The following ASIC2 variants were observed in gnomAD, a reference collection of about 807,000 sequenced individuals.
ASIC2 encodes acid sensing ion channel subunit 2, also known as acid-sensing ion channel 2.
A neutral mutation model predicts 57.3 loss-of-function variants in ASIC2; 25 were observed. The observed-to-expected ratio is 0.44, with a 90% CI of 0.32 to 0.61. The LOEUF (loss-of-function observed/expected upper bound fraction) is 0.61. ASIC2 is among the 20% of genes least tolerant of loss of function. ASIC2 has a pLI of 0.06. For synonymous variants in ASIC2, 319 were observed against 307.5 expected, an observed-to-expected ratio of 1.04 and a Z score of -0.39; for missense variants, 641 against 738.1, an observed-to-expected ratio of 0.87 and a Z score of 1.52.
chr17:33,995,670 G>T (rs576577398), intron 1 of ASIC2, among the ~76,000 whole-genome samples: 38 of 152,034 alleles, frequency 2.5e-4, no homozygotes, highest in African/African-American at 9.2e-4. Flanking sequence ...ATATGTGTGT[G>T]TGTATATACA....
At chr17:33,696,596 G>A (rs1271543321) in intron 1 of ASIC2, among the ~76,000 whole-genome samples, 5 of 152,138 alleles carry the variant, frequency 3.3e-5, no homozygotes, top group Admixed American at 6.5e-5. Context: ...ACATTTTTCC[G>A]TTCGTTCATT....
At chr17:33,026,775 C>A (rs988074148) in intron 4 of ASIC2, among the ~76,000 whole-genome samples, 1 of 152,126 alleles carries the variant, frequency 6.6e-6, no homozygotes, top group African/African-American at 2.4e-5. Flanking sequence ...AACCCAGGAT[C>A]TTTTCTTTTC....
intron 2 of ASIC2, among the ~76,000 whole-genome samples, chr17:33,094,759 C>T (rs56175840): frequency 0.23 from 34,917 of 152,100 alleles, 4,384 homozygotes; most frequent in South Asian, 0.4. Flanking sequence ...GTCCCCTAGT[C>T]CTAGCTCCGC....
chr17:33,926,818 CCA>C (rs1915831687), intron 1 of ASIC2, among the ~76,000 whole-genome samples: 2 of 152,230 alleles, frequency 1.3e-5, no homozygotes, highest in Admixed American at 6.5e-5. Context: ...TGATTACCTG[CCA>C]CTGTGTGCCT....
intron 1 of ASIC2, among the ~76,000 whole-genome samples, chr17:34,041,590 C>G (rs1247658249): frequency 6.6e-6 from 1 of 152,182 alleles, no homozygotes; most frequent in Non-Finnish European, 1.5e-5. Flanking sequence ...GATATTAACT[C>G]CTCATATGGT....
At chr17:33,952,143 T>G (rs1904596723) in intron 1 of ASIC2, among the ~76,000 whole-genome samples, 1 of 152,040 alleles carries the variant, frequency 6.6e-6, no homozygotes, top group Non-Finnish European at 1.5e-5. Flanking sequence ...TGAGAGAGAA[T>G]GAGAGAGAGG....
intron 1 of ASIC2, among the ~76,000 whole-genome samples, chr17:33,767,406 T>C (rs1216521785): frequency 6.6e-6 from 1 of 152,236 alleles, no homozygotes; most frequent in Non-Finnish European, 1.5e-5. Context: ...ATAAATGTGT[T>C]TGCGTATAAA....
At chr17:33,805,157 G>A (rs987254346) in intron 1 of ASIC2, among the ~76,000 whole-genome samples, 1 of 152,030 alleles carries the variant, frequency 6.6e-6, no homozygotes, top group African/African-American at 2.4e-5. Flanking sequence ...TCTTCCAAGG[G>A]TCATCTTATT....
chr17:33,574,012 C>A (rs557034790), intron 1 of ASIC2, among the ~76,000 whole-genome samples: 1 of 152,192 alleles, frequency 6.6e-6, no homozygotes, highest in Non-Finnish European at 1.5e-5. Context: ...TTTTGGTGGA[C>A]TGTTAGGGTG....
chr17:33,633,721 C>T (rs1048580214), intron 1 of ASIC2, among the ~76,000 whole-genome samples: 2 of 152,208 alleles, frequency 1.3e-5, no homozygotes, highest in African/African-American at 4.8e-5. Context: ...CACCCATGCC[C>T]CAACCATTTA....
At chr17:33,832,303 A>C (rs375463854) in intron 1 of ASIC2, among the ~76,000 whole-genome samples, 1 of 152,360 alleles carries the variant, frequency 6.6e-6, no homozygotes, top group South Asian at 2.1e-4. Flanking sequence ...TTCTCACATC[A>C]CCAAGGAAAA....
chr17:33,720,982 T>G (rs779695602), intron 1 of ASIC2, among the ~76,000 whole-genome samples: 4 of 152,168 alleles, frequency 2.6e-5, no homozygotes, highest in Non-Finnish European at 5.9e-5. Flanking sequence ...AAATACTGTC[T>G]GTTTTAGCAA....
At chr17:33,636,147 G>A (rs1906356051) in intron 1 of ASIC2, among the ~76,000 whole-genome samples, 1 of 152,132 alleles carries the variant, frequency 6.6e-6, no homozygotes. Context: ...TATGTTATGT[G>A]CATATATACA....
At chr17:33,103,911 T>C (rs1192837480) in intron 2 of ASIC2, among the ~76,000 whole-genome samples, 3 of 152,148 alleles carry the variant, frequency 2.0e-5, no homozygotes, top group Non-Finnish European at 4.4e-5. Flanking sequence ...GCCTAATAGT[T>C]CCTTTTGTAG....
chr17:33,313,752 G>A lies in ASIC2; in HGVS notation c.556-201685C>T, dbSNP rs151197842. 5.0e-3 allele frequency among the ~76,000 whole-genome samples: 754 copies of A among 152,190 alleles called. 4 individuals are homozygous for A. Among genetic ancestry groups the A allele is most frequent in the Middle Eastern group, 0.017 (5 of 294 alleles). ...CTTGTACTTGCCCATTACACATGCC[G>A]TTTGAAGAATTCCAATTGTTCCCTG... On this transcript the variant is annotated intron_variant, in intron 1 of 9. Transcript: ENST00000359872.
At position 33,859,393 on chromosome 17, in the gene ASIC2, G is replaced by C. The variant is rs180943251; in HGVS notation, c.555+296585C>G. On this transcript the variant is annotated intron_variant, in intron 1 of 9. Transcript: ENST00000359872. ...AAAGAAAGGAGGAAATGAGGAAAAG[G>C]GGGGAGGAACAAAGGAAGAAAGTTC... is the stretch of plus-strand genomic sequence containing the variant. Among the ~76,000 whole-genome samples the C allele has an allele frequency of 1.2e-4, 18 of 152,274 alleles. No homozygotes were observed. The South Asian group carries it at 2.9e-3, about 25-fold the overall frequency.
chr17:33,691,195 A>G (rs556247932), intron 1 of ASIC2, among the ~76,000 whole-genome samples: 1 of 152,340 alleles, frequency 6.6e-6, no homozygotes, highest in South Asian at 2.1e-4. Flanking sequence ...TATTTTATGT[A>G]TACATCATTT....
intron 1 of ASIC2, among the ~76,000 whole-genome samples, chr17:33,974,460 C>T (rs888061363): frequency 1.3e-5 from 2 of 152,152 alleles, no homozygotes; most frequent in Non-Finnish European, 2.9e-5. Context: ...AGTCACCCTC[C>T]ATCTGGCGGC....
chr17:33,410,934 A>G (rs1023589345), intron 1 of ASIC2, among the ~76,000 whole-genome samples: 2 of 143,314 alleles, frequency 1.4e-5, no homozygotes, highest in Non-Finnish European at 1.6e-5. Flanking sequence ...TGTCTGGCAC[A>G]TAGAAGACAG....
Sources: allele counts gnomAD v4.1 joint callset (sites outside exome capture counted in the v4.1 genomes callset), GRCh38; gene constraint gnomAD v4.1.1; transcripts MANE v1.5; gene names NCBI Gene and HGNC (gene_info 2026-07-23, HGNC 2026-07-21).